Variants in ACOT1 observed in about 807,000 individuals in gnomAD.
ACOT1 encodes acyl-coenzyme A thioesterase 1.
In ACOT1, 8 loss-of-function variants were observed where a neutral mutation model predicts 15.7. The observed-to-expected ratio is 0.51, with a 90% confidence interval of 0.30 to 0.92. The LOEUF (loss-of-function observed/expected upper bound fraction) is 0.92. Among genes scored for constraint, ACOT1 ranks in the 40% least tolerant of loss-of-function variants. ACOT1 has a pLI of 0.06. For synonymous variants in ACOT1, 67 were observed against 241.2 expected (o/e 0.28, Z 6.69); for missense variants, 151 against 539.4 (o/e 0.28, Z 7.13).
the ACOT1 span, chr14:73,520,061 A>G: frequency 6.6e-6 from 1 of 152,220 alleles, no homozygotes; most frequent in Non-Finnish European, 1.5e-5. Context: ...AAAGCTAGAT[A>G]CTAAAAAAGA....
the ACOT1 span, among the ~76,000 whole-genome samples, chr14:73,521,518 G>A: frequency 6.6e-6 from 1 of 152,180 alleles, no homozygotes; most frequent in South Asian, 2.1e-4. Flanking sequence ...ACTTTGCAGA[G>A]TGCCTGGAAA....
the ACOT1 span, among the ~76,000 whole-genome samples, chr14:73,515,035 T>G: frequency 8.7e-5 from 13 of 149,812 alleles, no homozygotes; most frequent in African/African-American, 3.0e-4. Context: ...ACCACTGCAT[T>G]CCAGCCTGGA....
chr14:73,512,030 TC>T, the ACOT1 span: 34 of 1,613,914 alleles, frequency 2.1e-5, no homozygotes, highest in Non-Finnish European at 2.8e-5. Flanking sequence ...CTGGTGGCAA[TC>T]CGGGGCCGTT....
the ACOT1 span, chr14:73,492,278 T>C: frequency 6.2e-7 from 1 of 1,614,024 alleles, no homozygotes; most frequent in Non-Finnish European, 8.5e-7. The surrounding 1 kb of genome is among the most constrained non-coding windows in gnomAD (Gnocchi z 4.9). Context: ...CCTCACCTTG[T>C]CCACGTACCA....
chr14:73,514,477 T>C, the ACOT1 span, among the ~76,000 whole-genome samples: 21 of 152,172 alleles, frequency 1.4e-4, no homozygotes, highest in South Asian at 2.3e-3. Flanking sequence ...TGGGGGGAAA[T>C]TGAGATATCT....
chr14:73,510,443 T>TC, the ACOT1 span, among the ~76,000 whole-genome samples: 9 of 95,222 alleles, frequency 9.5e-5, no homozygotes, highest in African/African-American at 4.3e-4. Context: ...TTTGTTTTTG[T>TC]TTTTTTTTTG....
At chr14:73,495,158 A>G in the ACOT1 span, 1 of 1,443,058 alleles carries the variant, frequency 6.9e-7, no homozygotes, top group Non-Finnish European at 9.5e-7. Flanking sequence ...ACTAAGTCCC[A>G]AAACATCCAG....
chr14:73,506,804 G>GTTTTTTTT, the ACOT1 span, among the ~76,000 whole-genome samples: 2,555 of 80,378 alleles, frequency 0.032, 468 homozygotes, highest in Middle Eastern at 0.05. Context: ...GACTTTAACT[G>GTTTTTTTT]TTTTTTTTTT....
intron 1 of ACOT1, 123 bp downstream of exon 1, chr14:73,538,001 C>T (rs1888935188): frequency 5.9e-6 from 5 of 851,584 alleles, no homozygotes; most frequent in South Asian, 4.3e-5. Context: ...GTCCCTCCTC[C>T]CGCCCCACCA....
At chr14:73,495,405 A>G in the ACOT1 span, 10 of 1,603,844 alleles carry the variant, frequency 6.2e-6, no homozygotes, top group Non-Finnish European at 8.5e-6. Flanking sequence ...AGAACAAATA[A>G]TGTTTGAAAA....
At chr14:73,494,495 A>G in the ACOT1 span, among the ~76,000 whole-genome samples, 6 of 152,326 alleles carry the variant, frequency 3.9e-5, no homozygotes, top group South Asian at 1.0e-3. Flanking sequence ...TACACTAAGT[A>G]AAAATGATAG....
chr14:73,491,502 G>C, the ACOT1 span: 2 of 1,513,168 alleles, frequency 1.3e-6, no homozygotes, highest in Non-Finnish European at 1.8e-6. Context: ...CAGTCGTCCG[G>C]GGCCCCTGCG....
At chr14:73,523,263 G>A in the ACOT1 span, 2 of 1,112,822 alleles carry the variant, frequency 1.8e-6, no homozygotes, top group Non-Finnish European at 2.5e-6. Flanking sequence ...GAACTCTAGA[G>A]CAGCAGAAAT....
chr14:73,493,236 T>C, the ACOT1 span: 2 of 830,212 alleles, frequency 2.4e-6, no homozygotes, highest in South Asian at 3.2e-5. Flanking sequence ...TGGGTAACAC[T>C]GACCATGTCG....
chr14:73,538,349 C>A lies in ACOT1; in HGVS notation c.457+471C>A, dbSNP rs182780820. 4.7e-3 allele frequency among the ~76,000 whole-genome samples: 538 copies of A among 114,444 alleles called. 120 individuals are homozygous for A. The highest frequency in any genetic ancestry group is 0.014 in the African/African-American group (477 of 35,174). 75.1% of individuals were successfully genotyped at this position (114,444 alleles called of 152,430 possible). On this transcript the variant is annotated intron_variant, in intron 1 of 2. Transcript: ENST00000311148. ...ATTGTAAGGGCTGGGCGCGCTGGCTCACGCCTGTAATCCCAGCACTTTGAG... is the reference window on the plus strand; with the variant it reads ...ATTGTAAGGGCTGGGCGCGCTGGCTAACGCCTGTAATCCCAGCACTTTGAG...
At chr14:73,518,831 C>T in the ACOT1 span, among the ~76,000 whole-genome samples, 1 of 152,174 alleles carries the variant, frequency 6.6e-6, no homozygotes, top group Admixed American at 6.5e-5. Context: ...TCCTGTGAGG[C>T]TCTTCCTAGT....
At chr14:73,491,802 TGGACGCCGCTCGCTACATCAAC>T in the ACOT1 span, 1 of 1,597,142 alleles carries the variant, frequency 6.3e-7, no homozygotes, top group African/African-American at 1.3e-5. Flanking sequence ...GGCCAGCATT[TGGACGCCGCTCGCTACATCAAC>T]GGACGACGCG....
At chr14:73,515,619 G>A in the ACOT1 span, among the ~76,000 whole-genome samples, 3,925 of 128,642 alleles carry the variant, frequency 0.031, 187 homozygotes, top group African/African-American at 0.11. Context: ...GGCGGAGGTT[G>A]TAGTGAGCTG....
the ACOT1 span, among the ~76,000 whole-genome samples, chr14:73,528,513 T>G: frequency 6.6e-6 from 1 of 152,020 alleles, no homozygotes; most frequent in Admixed American, 6.6e-5. Flanking sequence ...AACAAAATAT[T>G]ACTAGGTCTG....
Sources: gnomAD v4.1 joint callset for allele counts (sites outside exome capture counted in the v4.1 genomes callset) on GRCh38, gnomAD v4.1.1 for gene constraint, Gnocchi (gnomAD v3.1) non-coding constraint, MANE v1.5 for transcripts, NCBI Gene and HGNC (gene_info 2026-07-23, HGNC 2026-07-21) for gene names.